ATXN2: variants seen among roughly 807,000 people sequenced by gnomAD.
ATXN2 encodes the protein ataxin 2.
A neutral mutation model predicts 138.6 loss-of-function variants in ATXN2; 37 were observed. The observed-to-expected ratio is 0.27, with a 90% CI of 0.21 to 0.35. The LOEUF is 0.35. Ranked by LOEUF, ATXN2 falls within the 10% of genes least tolerant of loss-of-function variation. The pLI is 1.00. For missense variants in ATXN2, 1,216 were observed against 1,480.3 expected (o/e 0.82, Z 2.93); for synonymous variants, 549 against 543.7 (o/e 1.01, Z -0.13).
chr12:111,565,723 T>C (rs888688037), intron 1 of ATXN2, among the ~76,000 whole-genome samples: 7 of 152,092 alleles, frequency 4.6e-5, no homozygotes, highest in Admixed American at 3.9e-4. Flanking sequence ...AGGCCAGGCA[T>C]AGTGGCTCAC....
At chr12:111,599,383 G>T, upstream of ATXN2, 7 of 1,161,410 alleles carry the variant, frequency 6.0e-6, no homozygotes, top group East Asian at 1.3e-4. Flanking sequence ...CCGGGGCCGC[G>T]CCACCGCCGC....
chr12:111,558,659 T>C (rs1371344675), intron 1 of ATXN2, among the ~76,000 whole-genome samples: 4 of 152,062 alleles, frequency 2.6e-5, no homozygotes, highest in African/African-American at 7.2e-5. Flanking sequence ...TAGCCAGGCA[T>C]GGTGGCACAC....
In ATXN2 at chr12:111,452,674, T is replaced by A. The variant is rs1164857901; in HGVS notation, c.*138A>T. Reference sequence around the variant, plus strand: ...TCCACTGCAAGTGAACTGTTAGCATTCCTATTGGATGTTACAAGAAATCAA... The same window carrying A: ...TCCACTGCAAGTGAACTGTTAGCATACCTATTGGATGTTACAAGAAATCAA... On this transcript the variant is annotated 3_prime_UTR_variant, in exon 25 of 25. Coordinates refer to ENST00000673436, the MANE Select transcript of ATXN2 (RefSeq NM_001372574.1). The A allele has an allele frequency of 9.9e-7, 1 of 1,008,984 alleles. No homozygotes were observed. Among genetic ancestry groups the A allele is most frequent in the Non-Finnish European group, 1.5e-6 (1 of 652,476 alleles). 62.5% of individuals were successfully genotyped at this position (1,008,984 alleles called of 1,614,324 possible).
intron 22 of ATXN2, 76 bp downstream of exon 22, chr12:111,457,138 T>C: frequency 6.6e-7 from 1 of 1,516,218 alleles, no homozygotes; most frequent in Non-Finnish European, 8.9e-7. Flanking sequence ...GACGATGCGA[T>C]ACCTGGCACC....
At chr12:111,463,589 A>G (rs930217609) in intron 21 of ATXN2, among the ~76,000 whole-genome samples, 2 of 151,990 alleles carry the variant, frequency 1.3e-5, no homozygotes, top group African/African-American at 4.8e-5. Flanking sequence ...TATTTTTACA[A>G]ATTGCCCTAC....
chr12:111,518,500 T>C (rs1462010486), intron 8 of ATXN2, 73 bp from the exon 9 acceptor site: 3 of 1,439,586 alleles, frequency 2.1e-6, no homozygotes, highest in Non-Finnish European at 2.8e-6. Context: ...CTAAAAGTCA[T>C]CTAGACAGAA....
At chr12:111,479,598 T>C (rs1317755452) in intron 18 of ATXN2, among the ~76,000 whole-genome samples, 1 of 152,116 alleles carries the variant, frequency 6.6e-6, no homozygotes. Flanking sequence ...ATTACTACAC[T>C]GTTTAGGACA....
intron 5 of ATXN2, among the ~76,000 whole-genome samples, chr12:111,526,339 A>C (rs538926883): frequency 6.6e-6 from 1 of 151,406 alleles, no homozygotes; most frequent in African/African-American, 2.4e-5. Flanking sequence ...CTGGCGACAG[A>C]GTGAGACCCT....
rs1879860195 is a variant in ATXN2 at position 111,516,436 on chromosome 12, A to G, written c.1166-73T>C. 1.5e-6 allele frequency: 2 copies of G among 1,343,462 alleles called. No homozygotes were observed. The highest frequency in any genetic ancestry group is 5.1e-5 in the Admixed American group (2 of 39,146). 83.2% of individuals were successfully genotyped at this position (1,343,462 alleles called of 1,614,324 possible). A position where few individuals can be genotyped will look rare whatever the true frequency, so the allele number is the denominator to read the frequency against. On this transcript the variant is annotated intron_variant, in intron 9 of 24. Coordinates refer to ENST00000673436, the MANE Select transcript of ATXN2 (RefSeq NM_001372574.1). The surrounding 1 kb of genome is among the most constrained non-coding windows in gnomAD (Gnocchi z 5.0). ...AATGAGGGAAAAAAGTAAACAGAAA[A>G]AAAGTAAAATGACAAAAATGATTTC...
chr12:111,478,772 T>C (rs1460779092), intron 18 of ATXN2, among the ~76,000 whole-genome samples: 1 of 151,970 alleles, frequency 6.6e-6, no homozygotes, highest in Non-Finnish European at 1.5e-5. Context: ...TTTGGGAGGC[T>C]GGGGCGGGTG....
chr12:111,506,716 C>G (rs1348568771), intron 14 of ATXN2, among the ~76,000 whole-genome samples: 9 of 151,408 alleles, frequency 5.9e-5, no homozygotes, highest in Admixed American at 5.9e-4. Flanking sequence ...GATGCCGAGC[C>G]GAAGCTAGAC....
Position 111,552,957 on chromosome 12 carries a change from T to C in ATXN2, c.369A>G (p.Gln123=), listed in dbSNP as rs781165429. The stretch of plus-strand genomic sequence containing the variant: ...CTTCATATATACCTCCATTTTTCAC[T>C]TGTACTTCACATTTGGAGCCCTAAA... ...TSVVGSKCEV[Q]VKNGGIYEGV... Residue 123 remains glutamine, a synonymous_variant, in exon 4 of 25, where the codon CAA becomes CAG. Coordinates refer to ENST00000673436, the MANE Select transcript of ATXN2 (RefSeq NM_001372574.1). This position sits in a 1 kb window ranked among gnomAD's most constrained non-coding sequence, Gnocchi z 4.1. 1 of 1,566,880 alleles carries C rather than the reference T, an allele frequency of 6.4e-7. No individual in the cohort carries two copies. The highest frequency in any genetic ancestry group is 2.3e-5 in the East Asian group (1 of 42,566).
In ATXN2 at chr12:111,520,055, G is replaced by A; in HGVS notation, c.810C>T (p.Asn270=). 1 of 1,613,840 alleles carries A rather than the reference G, an allele frequency of 6.2e-7. No homozygotes were observed. Among genetic ancestry groups the A allele is most frequent in the Non-Finnish European group, 8.5e-7 (1 of 1,180,008 alleles). ...SSYTVPLERD[N]SEEFLKREAR... is the part of the protein sequence containing the mutation. ...CTTCCCGTTTTAAAAATTCTTCTGA[G>A]TTATCTCTTTCTAAGGGCACTCTGA... Residue 270 remains asparagine (N), a synonymous_variant, in exon 8 of 25, where the codon AAC becomes AAT. Transcript: ENST00000673436.
chr12:111,495,854 A>G (rs1022188755), intron 14 of ATXN2, among the ~76,000 whole-genome samples: 1 of 152,154 alleles, frequency 6.6e-6, no homozygotes, highest in Non-Finnish European at 1.5e-5. Flanking sequence ...AAACAAGTCT[A>G]AAGATTTGAC....
intron 14 of ATXN2, among the ~76,000 whole-genome samples, chr12:111,500,724 T>C (rs1878712907): frequency 6.6e-6 from 1 of 151,986 alleles, no homozygotes; most frequent in South Asian, 2.1e-4. Flanking sequence ...AATACAAAAA[T>C]TAGCTGGGCG....
chr12:111,500,924 A>G lies in ATXN2; in HGVS notation c.1935+8625T>C, dbSNP rs553667217. Among the ~76,000 whole-genome samples, 8 of 152,290 alleles carry G rather than the reference A, an allele frequency of 5.3e-5. No homozygotes were observed. In the East Asian group the frequency reaches 1.3e-3, roughly 26 times the overall value. On this transcript the variant is annotated intron_variant, in intron 14 of 24. Transcript: ENST00000673436. ...ATTTAAAAAGTTAAATAAAGAATGAATAAGATCTAGTATTTGACAACAAAG... is the reference window on the plus strand; with the variant it reads ...ATTTAAAAAGTTAAATAAAGAATGAGTAAGATCTAGTATTTGACAACAAAG...
rs773656743 is a variant in ATXN2 at position 111,519,940 on chromosome 12, CT to C, written c.924del (p.Glu309LysfsTer18). 6.2e-7 allele frequency: 1 copy of C among 1,614,140 alleles called. No homozygotes were observed. The highest frequency in any genetic ancestry group is 1.3e-5 in the African/African-American group (1 of 75,048). On this transcript the variant is annotated frameshift_variant, in exon 8 of 25. Coordinates refer to ENST00000673436, the MANE Select transcript of ATXN2 (RefSeq NM_001372574.1). LOFTEE classifies it high-confidence loss of function. ...VALENDDRSEEEKYTAVQRNS... is the reference protein window; with the variant it reads ...VALENDDRSEXEKYTAVQRNS... ...TTTCTCTGAACTGCTGTGTATTTTT[CT>C]TCCTCACTCCTATCATCATTTTCCA... is the stretch of plus-strand genomic sequence containing the variant.
rs1876315680 is a variant in ATXN2, at chr12:111,470,202, A to G, written c.2748T>C (p.Ala916=). The change falls in exon 20 of 25, where the codon GCT becomes GCC. Residue 916 remains alanine (A), a synonymous_variant. Transcript: ENST00000673436. ...CGTGTGTTGGTGGTGCCATCATTCT[A>G]GCATTACCCTGTATTACAGGACTAT... ...HVYSPVIQGN[A]RMMAPPTHAQ... is the part of the protein sequence containing the mutation. The G allele has an allele frequency of 1.2e-6, 2 of 1,614,142 alleles. No individual in the cohort carries two copies. Among genetic ancestry groups the G allele is most frequent in the Middle Eastern group, 1.6e-4 (1 of 6,062 alleles).
At position 111,470,757 on chromosome 12, in the gene ATXN2, G is replaced by A. The variant is rs750937215; in HGVS notation, c.2525-15C>T. ...CATATTTGGTACTGCAGAAAAAAAA[G>A]CAGACTGCCTATTAAACAGTATCTC... On this transcript the variant is annotated splice_polypyrimidine_tract_variant and intron_variant, in intron 18 of 24. Coordinates refer to ENST00000673436, the MANE Select transcript of ATXN2 (RefSeq NM_001372574.1). 3.7e-6 allele frequency: 6 copies of A among 1,613,140 alleles called. No individual in the cohort carries two copies. The highest frequency in any genetic ancestry group is 5.1e-6 in the Non-Finnish European group (6 of 1,179,372).
Sources: allele counts gnomAD v4.1 joint callset (sites outside exome capture counted in the v4.1 genomes callset), GRCh38; gene constraint gnomAD v4.1.1; non-coding constraint Gnocchi (gnomAD v3.1); transcripts MANE v1.5; gene names NCBI Gene and HGNC (gene_info 2026-07-23, HGNC 2026-07-21).